ABCA13: variants seen among roughly 807,000 people sequenced by gnomAD.
ABCA13 encodes the protein ATP-binding cassette sub-family A member 13.
In ABCA13, 476 loss-of-function variants were observed where a neutral mutation model predicts 478.7. The observed-to-expected ratio is 0.99, with a 90% CI of 0.92 to 1.07. The LOEUF is 1.07. Ranked by LOEUF, ABCA13 falls within the 50% of genes least tolerant of loss-of-function variation. The pLI is 0.00. For missense variants in ABCA13, 6,060 were observed against 5,910.6 expected (o/e 1.03, Z -0.83); for synonymous variants, 2,252 against 2,158.9 (o/e 1.04, Z -1.20).
At chr7:48,366,938 T>C (rs1193159377) in intron 31 of ABCA13, among the ~76,000 whole-genome samples, 1 of 152,200 alleles carries the variant, frequency 6.6e-6, no homozygotes, top group Non-Finnish European at 1.5e-5. Flanking sequence ...AGATCCTTAA[T>C]GGCAGGACCT....
rs768533305 is a variant in ABCA13, at chr7:48,271,983, C to G, written c.2317C>G (p.Leu773Val). 1 of 1,613,618 alleles carries G rather than the reference C, an allele frequency of 6.2e-7. No homozygotes were observed. The highest frequency in any genetic ancestry group is 8.5e-7 in the Non-Finnish European group (1 of 1,179,704). Reference protein sequence around the residue: ...LTEDILNISSLWTNHLKSLKR... With the variant: ...LTEDILNISSVWTNHLKSLKR... ...AGAGGATATTCTGAATATAAGTTCT[C>G]TGTGGACAAATCATTTAAAAAGTTT... Residue 773 changes from leucine (L) to valine (V), a missense_variant, in exon 17 of 62, where the codon CTG (leucine) becomes GTG (valine). By Grantham distance (32) the Leu-to-Val change is conservative. Around this residue, in one of 3 missense-constraint regions of ABCA13, gnomAD observed 4,423 missense variants for 4,309.1 expected, o/e 1.03. Transcript: ENST00000435803.
chr7:48,301,029 A>G (rs1428172228), intron 23 of ABCA13, among the ~76,000 whole-genome samples: 2 of 152,254 alleles, frequency 1.3e-5, no homozygotes, highest in African/African-American at 4.8e-5. Flanking sequence ...AGAGCAATCA[A>G]AAGTCGGCCC....
chr7:48,299,081 G>A (rs75952722), intron 23 of ABCA13, among the ~76,000 whole-genome samples: 2,764 of 152,246 alleles, frequency 0.018, 78 homozygotes, highest in African/African-American at 0.063. Context: ...GTTTCTCTGT[G>A]GAAAAGGGGA....
In ABCA13 at chr7:48,272,718, G is replaced by A. The variant is rs1296973963; in HGVS notation, c.3052G>A (p.Ala1018Thr). 1 of 1,611,086 alleles carries A rather than the reference G, an allele frequency of 6.2e-7. No homozygotes were observed. Among genetic ancestry groups the A allele is most frequent in the Non-Finnish European group, 8.5e-7 (1 of 1,178,314 alleles). ...AGCATTTGCATTTTTATTTAAGACA[G>A]CAGAGGTTCTTGGGGGAATTTCTAA... ...SKAFAFLFKT[A>T]EVLGGISNVS... Residue 1018 changes from alanine (A) to threonine (T), a missense_variant, in exon 17 of 62, where the codon GCA (alanine) becomes ACA (threonine). Around this residue, in one of 3 missense-constraint regions of ABCA13, gnomAD observed 4,423 missense variants for 4,309.1 expected, o/e 1.03. Transcript: ENST00000435803.
At chr7:48,241,381 C>T (rs565586329) in intron 10 of ABCA13, among the ~76,000 whole-genome samples, 16 of 152,314 alleles carry the variant, frequency 1.1e-4, no homozygotes, top group African/African-American at 3.8e-4. Flanking sequence ...ATTTCGGAGG[C>T]ATTTTTATGT....
chr7:48,272,417 G>A lies in ABCA13; in HGVS notation c.2751G>A (p.Leu917=). 6.2e-7 allele frequency: 1 copy of A among 1,613,768 alleles called. No individual in the cohort carries two copies. The highest frequency in any genetic ancestry group is 2.2e-5 in the East Asian group (1 of 44,868). ...AGCAGGAACAGATCTCAGAAGCTCT[G>A]AACACAGTCTACGCTATCAGGAATG... ...FLEQEQISEA[L]NTVYAIRNAS... is the part of the protein sequence containing the mutation. The change falls in exon 17 of 62, where the codon CTG becomes CTA. Residue 917 remains leucine (L), a synonymous_variant. Transcript: ENST00000435803.
At chr7:48,241,155 T>C in intron 10 of ABCA13, 89 bp downstream of exon 10, 2 of 1,422,716 alleles carry the variant, frequency 1.4e-6, no homozygotes, top group South Asian at 1.2e-5. Flanking sequence ...AAACACATTC[T>C]GTAAAACTAC....
chr7:48,629,149 C>T (rs1793934538), intron 59 of ABCA13, among the ~76,000 whole-genome samples: 1 of 152,194 alleles, frequency 6.6e-6, no homozygotes, highest in Non-Finnish European at 1.5e-5. Context: ...CTAATTGCTG[C>T]CATGGCCTTG....
Position 48,279,246 on chromosome 7 carries a change from A to G in ABCA13, c.8052A>G (p.Ile2684Met). The G allele has an allele frequency of 1.3e-6, 2 of 1,588,986 alleles. No individual in the cohort carries two copies. The highest frequency in any genetic ancestry group is 2.3e-5 in the South Asian group (2 of 87,926). The change falls in exon 18 of 62, where the codon ATA (isoleucine) becomes ATG (methionine). Residue 2684 changes from isoleucine to methionine, a missense_variant. Coordinates refer to ENST00000435803, the MANE Select transcript of ABCA13 (RefSeq NM_152701.5). ...REEILGCLVP[I>M]NNITNQMDFL... ...AAATTCTGGGTTGCTTAGTTCCTATAAATAACATCACCAACCAAATGGACT... is the reference window on the plus strand; with the variant it reads ...AAATTCTGGGTTGCTTAGTTCCTATGAATAACATCACCAACCAAATGGACT...
chr7:48,313,764 G>C (rs551615423), intron 25 of ABCA13, among the ~76,000 whole-genome samples: 2 of 152,162 alleles, frequency 1.3e-5, no homozygotes, highest in African/African-American at 2.4e-5. Flanking sequence ...AGGGTTGGAC[G>C]TGTAGGATGA....
At position 48,391,956 on chromosome 7, in the gene ABCA13, G is replaced by A. The variant is rs267601531; in HGVS notation, c.11690G>A (p.Gly3897Glu). The change falls in exon 38 of 62, where the codon GGA (glycine) becomes GAA (glutamate). Residue 3897 changes from glycine (G) to glutamate (E), a missense_variant. Around this residue, in one of 3 missense-constraint regions of ABCA13, gnomAD observed 1,627 missense variants for 1,571.0 expected, o/e 1.04. Coordinates refer to ENST00000435803, the MANE Select transcript of ABCA13 (RefSeq NM_152701.5). ...MLTGLHPPTS[G>E]TIIINGKNLQ... is the part of the protein sequence containing the mutation. ...ACGGGGCTCCACCCTCCCACTTCTG[G>A]AACCATCATCATCAATGGCAAGAAC... The A allele has an allele frequency of 2.5e-6, 4 of 1,613,920 alleles. No homozygotes were observed. Among genetic ancestry groups the A allele is most frequent in the Non-Finnish European group, 3.4e-6 (4 of 1,179,862 alleles).
rs148287887 is a variant in ABCA13 at position 48,639,789 on chromosome 7, G to T, written c.14838-3499G>T. Among the ~76,000 whole-genome samples, 11 of 152,176 alleles carry T rather than the reference G, an allele frequency of 7.2e-5. No homozygotes were observed. In the East Asian group the frequency reaches 2.1e-3, roughly 29 times the overall value. On this transcript the variant is annotated intron_variant, in intron 59 of 61. Transcript: ENST00000435803. ...TTCTATACCAAGAAGAATTTTATGC[G>T]TTTAATTTTTAGAGGCAATGTGACA... is the stretch of plus-strand genomic sequence containing the variant.
chr7:48,596,120 A>G (rs1259736175), intron 58 of ABCA13, among the ~76,000 whole-genome samples: 1 of 152,260 alleles, frequency 6.6e-6, no homozygotes, highest in Non-Finnish European at 1.5e-5. Flanking sequence ...TAAATCTTAC[A>G]GCCATTTCCT....
intron 41 of ABCA13, among the ~76,000 whole-genome samples, chr7:48,422,631 C>G (rs1820922102): frequency 6.6e-6 from 1 of 152,180 alleles, no homozygotes; most frequent in African/African-American, 2.4e-5. Flanking sequence ...AGGGACACCT[C>G]AAATCAACAG....
At chr7:48,305,642 T>A (rs1800791221) in intron 23 of ABCA13, among the ~76,000 whole-genome samples, 1 of 152,212 alleles carries the variant, frequency 6.6e-6, no homozygotes, top group Admixed American at 6.5e-5. Context: ...CTGGGCAACA[T>A]GGAGGCCATC....
intron 38 of ABCA13, 133 bp downstream of exon 38, chr7:48,392,272 T>TA: frequency 1.1e-6 from 1 of 873,580 alleles, no homozygotes; most frequent in Non-Finnish European, 1.7e-6. Context: ...AAATGGTTGT[T>TA]AACTATGGAA....
At chr7:48,231,967 C>A (rs1353733163) in intron 7 of ABCA13, among the ~76,000 whole-genome samples, 1 of 151,944 alleles carries the variant, frequency 6.6e-6, no homozygotes, top group Non-Finnish European at 1.5e-5. Context: ...CAACCCTGAA[C>A]TATTGTACAA....
chr7:48,329,288 C>T (rs757637542), intron 27 of ABCA13, among the ~76,000 whole-genome samples: 3 of 152,092 alleles, frequency 2.0e-5, no homozygotes, highest in Non-Finnish European at 2.9e-5. Context: ...AGAGTAGAAC[C>T]CTTTTGAAGG....
chr7:48,187,269 T>C (rs1796487826), intron 1 of ABCA13, among the ~76,000 whole-genome samples: 1 of 91,982 alleles, frequency 1.1e-5, no homozygotes, highest in Admixed American at 1.1e-4. Flanking sequence ...GGGAGTTGTC[T>C]TTTTTTTTTT....
Sources: gnomAD v4.1 joint callset for allele counts (sites outside exome capture counted in the v4.1 genomes callset) on GRCh38, gnomAD v4.1.1 for gene constraint, gnomAD v4.1.1 regional missense constraint, MANE v1.5 for transcripts, NCBI Gene and HGNC (gene_info 2026-07-23, HGNC 2026-07-21) for gene names.